TLL1: variants seen among roughly 807,000 people sequenced by gnomAD.
TLL1 encodes tolloid like 1.
Under a neutral mutation model 128.2 loss-of-function variants are expected in TLL1, and 49 were observed. The ratio of observed to expected loss-of-function variants is 0.38; its 90% CI spans 0.30 to 0.48. The LOEUF (loss-of-function observed/expected upper bound fraction) is 0.48. Among genes scored for constraint, TLL1 ranks in the 20% least tolerant of loss-of-function variants. The pLI is 0.96. For synonymous variants in TLL1, 454 were observed against 418.8 expected (o/e 1.08, Z -1.03); for missense variants, 1,123 against 1,242.0 (o/e 0.90, Z 1.44).
chr4:166,094,811 T>C (rs573110065), intron 19 of TLL1, among the ~76,000 whole-genome samples: 2 of 152,280 alleles, frequency 1.3e-5, no homozygotes, highest in South Asian at 4.1e-4. Flanking sequence ...TGCTTTTATT[T>C]CTCCTCAAAA....
At chr4:165,943,720 G>T (rs568494980) in intron 1 of TLL1, among the ~76,000 whole-genome samples, 2 of 152,102 alleles carry the variant, frequency 1.3e-5, no homozygotes, top group East Asian at 3.9e-4. Context: ...GAAAAAAAAT[G>T]CATCTACTAT....
At chr4:165,893,523 G>A (rs1180296723) in intron 1 of TLL1, among the ~76,000 whole-genome samples, 1 of 152,150 alleles carries the variant, frequency 6.6e-6, no homozygotes, top group Non-Finnish European at 1.5e-5. Flanking sequence ...GGAGAAAGCT[G>A]CATAGAGAAA....
chr4:166,057,242 TC>T lies in TLL1; in HGVS notation c.1780del (p.Leu594TrpfsTer36). ...GCTGTGAGCAGCGATGTCTGAACAC[TC>T]TGGGCAGTTACCAGTGTGCCTGTGA... is the stretch of plus-strand genomic sequence containing the variant. ...GGCEQRCLNT[L>X]GSYQCACEPG... On this transcript the variant is annotated frameshift_variant, in exon 14 of 21. Transcript: ENST00000061240. LOFTEE classifies it high-confidence loss of function. The T allele has an allele frequency of 6.2e-7, 1 of 1,613,948 alleles. No homozygotes were observed. The highest frequency in any genetic ancestry group is 8.5e-7 in the Non-Finnish European group (1 of 1,179,936).
At position 166,060,045 on chromosome 4, in the gene TLL1, C is replaced by G. The variant is rs774306143; in HGVS notation, c.1864C>G (p.Leu622Val). The change falls in exon 15 of 21, where the codon CTT (leucine) becomes GTT (valine). Residue 622 changes from leucine to valine, a missense_variant. Physicochemically the swap from Leu to Val is conservative, Grantham distance 32 (BLOSUM62 1). This residue lies in a region of TLL1 where 634 missense variants were observed against 672.4 expected (regional missense o/e 0.94). Coordinates refer to ENST00000061240, the MANE Select transcript of TLL1 (RefSeq NM_012464.5). ...TCTTCTAGCTGCTTGTGGTGGACTT[C>G]TTACCAAACTTAACGGCACCATAAC... is the stretch of plus-strand genomic sequence containing the variant. ...RSCEAACGGLLTKLNGTITTP... is the reference protein window; with the variant it reads ...RSCEAACGGLVTKLNGTITTP... 3 of 1,613,542 alleles carry G rather than the reference C, an allele frequency of 1.9e-6. No individual in the cohort carries two copies. In the Admixed American group the frequency reaches 5.0e-5, roughly 27 times the overall value.
intron 18 of TLL1, among the ~76,000 whole-genome samples, chr4:166,087,027 G>A (rs1418675344): frequency 1.3e-5 from 2 of 152,140 alleles, no homozygotes; most frequent in East Asian, 1.9e-4. Flanking sequence ...TTCTAAATGT[G>A]TAAGTACAAG....
intron 10 of TLL1, 74 bp downstream of exon 10, chr4:166,039,515 A>C: frequency 9.5e-7 from 1 of 1,056,260 alleles, no homozygotes; most frequent in Non-Finnish European, 1.5e-6. Context: ...CGATTCTCTC[A>C]AGAGTCATCG....
intron 1 of TLL1, among the ~76,000 whole-genome samples, chr4:165,981,834 A>G (rs1736160591): frequency 6.6e-6 from 1 of 152,070 alleles, no homozygotes; most frequent in Admixed American, 6.6e-5. Context: ...ATTTTTCAAT[A>G]AAGTGTATCA....
In TLL1 at chr4:165,873,627, C is replaced by G. The variant is rs1730588912; in HGVS notation, c.-278C>G. The stretch of plus-strand genomic sequence containing the variant: ...GCCGCCAGAGCCGAGTTTGCCTGCG[C>G]CCTCCCCGCCTCCGAGTGCAGAGTT... On this transcript the variant is annotated 5_prime_UTR_variant, in exon 1 of 21. Transcript: ENST00000061240. The G allele has an allele frequency of 6.9e-6, 2 of 290,964 alleles. No individual in the cohort carries two copies. The highest frequency in any genetic ancestry group is 1.2e-4 in the East Asian group (2 of 16,808). 18.0% of individuals were successfully genotyped at this position (290,964 alleles called of 1,614,324 possible). A position where few individuals can be genotyped will look rare whatever the true frequency, so the allele number is the denominator to read the frequency against.
At position 166,099,327 on chromosome 4, in the gene TLL1, C is replaced by T. The variant is rs1379003091; in HGVS notation, c.2707C>T (p.His903Tyr). Residue 903 changes from histidine (H) to tyrosine (Y), a missense_variant, in exon 20 of 21, where the codon CAT (histidine) becomes TAT (tyrosine). Around this residue, in one of 3 missense-constraint regions of TLL1, gnomAD observed 634 missense variants for 672.4 expected, o/e 0.94. Coordinates refer to ENST00000061240, the MANE Select transcript of TLL1 (RefSeq NM_012464.5). Reference protein sequence around the residue: ...AESKPRDLYSHAQFGDNNYPG... With the variant: ...AESKPRDLYSYAQFGDNNYPG... ...ATCAAAACCAAGAGATCTGTACTCACATGCTCAGTTTGGTGATAACAACTA... is the reference window on the plus strand; with the variant it reads ...ATCAAAACCAAGAGATCTGTACTCATATGCTCAGTTTGGTGATAACAACTA... 1 of 1,613,588 alleles carries T rather than the reference C, an allele frequency of 6.2e-7. No homozygotes were observed. Among genetic ancestry groups the T allele is most frequent in the Admixed American group, 1.7e-5 (1 of 59,970 alleles).
chr4:166,100,358 G>C (rs1742232636), intron 20 of TLL1, among the ~76,000 whole-genome samples: 1 of 152,086 alleles, frequency 6.6e-6, no homozygotes, highest in Non-Finnish European at 1.5e-5. Context: ...CTCCAGAGCA[G>C]CTTCTGAAAC....
chr4:165,992,981 A>G, intron 3 of TLL1, 97 bp downstream of exon 3: 1 of 994,230 alleles, frequency 1.0e-6, no homozygotes, highest in Non-Finnish European at 1.6e-6. Context: ...TGCCATTATG[A>G]TGTGAAGTAT....
rs887997797 is a variant in TLL1, at chr4:166,101,107, G to C, written c.*231G>C. 8 of 506,526 alleles carry C rather than the reference G, an allele frequency of 1.6e-5. No individual in the cohort carries two copies. Among genetic ancestry groups the C allele is most frequent in the African/African-American group, 1.6e-4 (8 of 51,594 alleles). 31.4% of individuals were successfully genotyped at this position (506,526 alleles called of 1,614,324 possible). On this transcript the variant is annotated 3_prime_UTR_variant, in exon 21 of 21. Coordinates refer to ENST00000061240, the MANE Select transcript of TLL1 (RefSeq NM_012464.5). ...GATGGTATTAATAAAGCTGGTGAAA[G>C]GGCATCATATACTTCAAGGAAGACT... is the stretch of plus-strand genomic sequence containing the variant.
In TLL1 at chr4:166,093,145, A is replaced by C. The variant is rs533915880; in HGVS notation, c.2656+1804A>C. On this transcript the variant is annotated intron_variant, in intron 19 of 20. Transcript: ENST00000061240. Reference sequence around the variant, plus strand: ...GACTGAGAAAAGAAATAAGACACGGAGACAAAGTATAGAGAAATAATAGTG... The same window carrying C: ...GACTGAGAAAAGAAATAAGACACGGCGACAAAGTATAGAGAAATAATAGTG... 2.5e-3 allele frequency among the ~76,000 whole-genome samples: 384 copies of C among 152,276 alleles called. 1 individual carries two copies. Among genetic ancestry groups the C allele is most frequent in the Non-Finnish European group, 4.6e-3 (314 of 68,018 alleles).
intron 9 of TLL1, among the ~76,000 whole-genome samples, chr4:166,031,478 G>A (rs1249949815): frequency 7.2e-6 from 1 of 138,448 alleles, no homozygotes; most frequent in African/African-American, 2.7e-5. Flanking sequence ...AGCAATTCTT[G>A]TGCCTCAGCC....
intron 1 of TLL1, among the ~76,000 whole-genome samples, chr4:165,919,390 A>AG (rs1231784968): frequency 6.6e-6 from 1 of 151,766 alleles, no homozygotes; most frequent in Non-Finnish European, 1.5e-5. Flanking sequence ...TTCAAAAAAA[A>AG]AAAAAAAAAA....
chr4:166,009,422 A>G (rs1279373566), intron 7 of TLL1, among the ~76,000 whole-genome samples: 1 of 151,422 alleles, frequency 6.6e-6, no homozygotes, highest in East Asian at 1.9e-4. Context: ...AATCTTTAGC[A>G]AAGTTCTAAC....
intron 18 of TLL1, among the ~76,000 whole-genome samples, chr4:166,087,247 A>G (rs1165410168): frequency 1.3e-5 from 2 of 152,176 alleles, no homozygotes; most frequent in African/African-American, 2.4e-5. Flanking sequence ...GAGTTCTGCT[A>G]TATAACATAC....
At chr4:165,974,058 C>T (rs1735754243) in intron 1 of TLL1, among the ~76,000 whole-genome samples, 1 of 151,018 alleles carries the variant, frequency 6.6e-6, no homozygotes, top group Non-Finnish European at 1.5e-5. Context: ...GAACTGTACC[C>T]TGGCATAGCT....
intron 1 of TLL1, among the ~76,000 whole-genome samples, chr4:165,979,460 GA>G (rs1214172027): frequency 3.3e-5 from 5 of 151,986 alleles, no homozygotes; most frequent in African/African-American, 1.2e-4. Flanking sequence ...TAAGCAAAAA[GA>G]AGTACTATAC....
Sources: gnomAD v4.1 joint callset for allele counts (sites outside exome capture counted in the v4.1 genomes callset) on GRCh38, gnomAD v4.1.1 for gene constraint, gnomAD v4.1.1 regional missense constraint, MANE v1.5 for transcripts, NCBI Gene and HGNC (gene_info 2026-07-23, HGNC 2026-07-21) for gene names.